The following TOP2A variants were observed in gnomAD, a reference collection of about 807,000 sequenced individuals.
TOP2A encodes the protein DNA topoisomerase 2-alpha.
In TOP2A, 68 loss-of-function variants were observed where a neutral mutation model predicts 187.2. The ratio of observed to expected loss-of-function variants is 0.36; its 90% CI spans 0.30 to 0.44. The LOEUF (loss-of-function observed/expected upper bound fraction) is 0.44, where lower values mean the gene tolerates loss of function less well. TOP2A is among the 20% of genes least tolerant of loss of function. TOP2A has a pLI of 1.00. For missense variants in TOP2A, 1,196 were observed against 1,808.7 expected (o/e 0.66, Z 6.14); for synonymous variants, 542 against 593.2 (o/e 0.91, Z 1.25).
At chr17:40,392,804 C>A in intron 29 of TOP2A, 67 bp from the exon 30 acceptor site, 1 of 1,278,810 alleles carries the variant, frequency 7.8e-7, no homozygotes, top group Non-Finnish European at 1.1e-6. Context: ...TATCATCCAT[C>A]CATCCTTCAA....
intron 28 of TOP2A, among the ~76,000 whole-genome samples, chr17:40,395,985 CT>C (rs59214602): frequency 0.84 from 119,155 of 142,556 alleles, 50,152 homozygotes; most frequent in African/African-American, 0.95. Flanking sequence ...AGTATTACCT[CT>C]TTTTTTTTTT....
rs1366146226 is a variant in TOP2A at position 40,398,790 on chromosome 17, T to C, written c.3436A>G (p.Arg1146Gly). The C allele has an allele frequency of 1.2e-6, 2 of 1,611,380 alleles. No individual in the cohort carries two copies. The highest frequency in any genetic ancestry group is 3.4e-5 in the Admixed American group (2 of 59,346). ...LTKEKKDELC[R>G]LRNEKEQELD... is the part of the protein sequence containing the mutation. ...CAACTCACTTTTTCATTTCTTAGCC[T>C]GCAGAGTTCATCTTTCTTTTCCTTG... is the stretch of plus-strand genomic sequence containing the variant. The change falls in exon 26 of 35, where the codon AGG (arginine) becomes GGG (glycine). Residue 1146 changes from arginine (R) to glycine (G), a missense_variant. Arg to Gly is a moderately radical substitution (Grantham distance 125). This residue lies in a region of TOP2A where 22 missense variants were observed against 21.1 expected (regional missense o/e 1.04). Coordinates refer to ENST00000423485, the MANE Select transcript of TOP2A (RefSeq NM_001067.4).
chr17:40,417,850 C>G lies in TOP2A; in HGVS notation c.-59G>C. ...AAGCGACTAAACAGGCAGGACCCCA[C>G]GAGACCACCCCCGACCAAGCCGCTT... On this transcript the variant is annotated 5_prime_UTR_variant, in exon 1 of 35. Coordinates refer to ENST00000423485, the MANE Select transcript of TOP2A (RefSeq NM_001067.4). The G allele has an allele frequency of 6.2e-7, 1 of 1,607,316 alleles. No homozygotes were observed. The highest frequency in any genetic ancestry group is 1.1e-5 in the South Asian group (1 of 90,468).
At chr17:40,408,363 T>A in intron 11 of TOP2A, 129 bp downstream of exon 11, 1 of 1,088,792 alleles carries the variant, frequency 9.2e-7, no homozygotes, top group Admixed American at 3.1e-5. Flanking sequence ...AACGGGCCGA[T>A]TTTTAACAAG....
At chr17:40,391,767 C>T (rs1251677667) in intron 32 of TOP2A, 127 bp from the exon 33 acceptor site, 3 of 1,076,998 alleles carry the variant, frequency 2.8e-6, no homozygotes, top group East Asian at 5.4e-5. Context: ...ATATTTAAAA[C>T]ATACTCTTAA....
At position 40,409,463 on chromosome 17, in the gene TOP2A, T is replaced by C. The variant is rs1383851270; in HGVS notation, c.1204-833A>G. 1.1e-5 allele frequency: 5 copies of C among 449,086 alleles called. No individual in the cohort carries two copies. In the Admixed American group the frequency reaches 1.2e-4, roughly 11 times the overall value. The allele number at this position is 449,086 out of a possible 1,614,324, so 27.8% of individuals were successfully genotyped here. A position where few individuals can be genotyped will look rare whatever the true frequency, so the allele number is the denominator to read the frequency against. ...TCCTCATCAAGTTTAAGACACAACA[T>C]AGAAGACAGACATAGCTGGGTGCAG... On this transcript the variant is annotated intron_variant, in intron 10 of 34. Coordinates refer to ENST00000423485, the MANE Select transcript of TOP2A (RefSeq NM_001067.4).
chr17:40,399,245 G>A, intron 24 of TOP2A, 114 bp from the exon 25 acceptor site: 1 of 761,728 alleles, frequency 1.3e-6, no homozygotes, highest in Non-Finnish European at 2.1e-6. Context: ...CTTCGTGCTT[G>A]CATAAATTTG....
At chr17:40,415,527 C>A (rs1012626616) in intron 4 of TOP2A, among the ~76,000 whole-genome samples, 4 of 152,180 alleles carry the variant, frequency 2.6e-5, no homozygotes, top group African/African-American at 9.7e-5. Flanking sequence ...CTACCACCAC[C>A]TACTGGTTTA....
rs1377238237 is a variant in TOP2A, at chr17:40,416,948, C to T, written c.22-53G>A. The T allele has an allele frequency of 8.2e-6, 12 of 1,467,488 alleles. No individual in the cohort carries two copies. The Admixed American group carries it at 1.5e-4, about 18-fold the overall frequency. 90.9% of individuals were successfully genotyped at this position (1,467,488 alleles called of 1,614,324 possible). A position where few individuals can be genotyped will look rare whatever the true frequency, so the allele number is the denominator to read the frequency against. ...AAGGGAATTTTTAATCATAAGTTTA[C>T]CCTAAACTAGGAACAAAATGCCTAC... On this transcript the variant is annotated intron_variant, in intron 1 of 34. Transcript: ENST00000423485.
rs1182474119 is a variant in TOP2A, at chr17:40,401,068, A to G, written c.2446T>C (p.Leu816=). Residue 816 remains leucine (L), a synonymous_variant, in exon 21 of 35, where the codon TTG becomes CTG. Transcript: ENST00000423485. ...TGATCATCTTTTGGTGGAAATAACA[A>G]TCGAGCCAAAGAGCTAAAGAAAAGA... ...IFTMLSSLAR[L]LFPPKDDHTL... 1.9e-6 allele frequency: 3 copies of G among 1,613,222 alleles called. No individual in the cohort carries two copies. The South Asian group carries it at 3.3e-5, about 18-fold the overall frequency.
At chr17:40,402,875 G>GC (rs2035198626) in intron 20 of TOP2A, 31 bp downstream of exon 20, 1 of 1,556,664 alleles carries the variant, frequency 6.4e-7, no homozygotes, top group African/African-American at 1.4e-5. Context: ...ACTGGAAATG[G>GC]CAAGTCACTA....
At chr17:40,397,150 A>G (rs907654185) in intron 27 of TOP2A, among the ~76,000 whole-genome samples, 1 of 151,964 alleles carries the variant, frequency 6.6e-6, no homozygotes, top group Non-Finnish European at 1.5e-5. Flanking sequence ...CTCCCAAAGC[A>G]CATTGGGATT....
Position 40,400,990 on chromosome 17 carries a change from T to G in TOP2A, c.2524A>C (p.Ile842Leu), listed in dbSNP as rs2035173316. 4 of 1,613,874 alleles carry G rather than the reference T, an allele frequency of 2.5e-6. No homozygotes were observed. The East Asian group carries it at 8.9e-5, about 36-fold the overall frequency. The change falls in exon 21 of 35, where the codon ATT becomes CTT. Residue 842 changes from isoleucine to leucine, a missense_variant. Coordinates refer to ENST00000423485, the MANE Select transcript of TOP2A (RefSeq NM_001067.4). ...ATCAGCACCATGGGAATAATAGGAA[T>G]GTACCATTCAGGCTCAACACGCTGG... Reference protein sequence around the residue: ...DNQRVEPEWYIPIIPMVLING... With the variant: ...DNQRVEPEWYLPIIPMVLING...
At chr17:40,402,494 T>A (rs1158733372) in intron 20 of TOP2A, among the ~76,000 whole-genome samples, 2 of 151,678 alleles carry the variant, frequency 1.3e-5, no homozygotes, top group African/African-American at 4.9e-5. Context: ...ACCAGAAGAG[T>A]CTACAGTCAT....
At chr17:40,416,258 A>C (rs1178139973) in intron 3 of TOP2A, among the ~76,000 whole-genome samples, 164 bp downstream of exon 3, 1 of 152,272 alleles carries the variant, frequency 6.6e-6, no homozygotes, top group Non-Finnish European at 1.5e-5. Context: ...CCAGGAAACC[A>C]GCTCACCTTT....
chr17:40,388,790 C>T lies in TOP2A; in HGVS notation c.*729G>A, dbSNP rs1316503014. The T allele has an allele frequency of 1.0e-5, 2 of 195,210 alleles. No individual in the cohort carries two copies. Among genetic ancestry groups the T allele is most frequent in the African/African-American group, 2.3e-5 (1 of 43,204 alleles). The allele number at this position is 195,210 out of a possible 1,614,324, so 12.1% of individuals were successfully genotyped here. On this transcript the variant is annotated 3_prime_UTR_variant, in exon 35 of 35. Coordinates refer to ENST00000423485, the MANE Select transcript of TOP2A (RefSeq NM_001067.4). ...TCCCCGAGTCTTCTGCAATCCAGTC[C>T]TCTTAGAAATTGGTTTCTCTCTTTG...
chr17:40,392,644 C>A lies in TOP2A; in HGVS notation c.3905G>T (p.Ser1302Ile), dbSNP rs2143624461. The A allele has an allele frequency of 6.2e-7, 1 of 1,613,636 alleles. No homozygotes were observed. Among genetic ancestry groups the A allele is most frequent in the Non-Finnish European group, 8.5e-7 (1 of 1,179,820 alleles). The change falls in exon 30 of 35, where the codon AGC becomes ATC. Residue 1302 changes from serine (S) to isoleucine (I), a missense_variant. Around this residue, in one of 10 missense-constraint regions of TOP2A, gnomAD observed 374 missense variants for 403.3 expected, o/e 0.93. Transcript: ENST00000423485. The part of the protein sequence containing the change: ...NPWSDSESDR[S>I]SDESNFDVPP... ...GACATCAAAATTACTTTCGTCACTG[C>A]TCCTATCTGATTCTGAATCAGACCA... is the stretch of plus-strand genomic sequence containing the variant.
chr17:40,399,911 G>A lies in TOP2A; in HGVS notation c.3157C>T (p.Arg1053Cys), dbSNP rs759743884. The change falls in exon 24 of 35, where the codon CGC (arginine) becomes TGC (cysteine). Residue 1053 changes from arginine (R) to cysteine (C), a missense_variant. Arg to Cys is a radical substitution (Grantham distance 180, BLOSUM62 -3). Around this residue, in one of 10 missense-constraint regions of TOP2A, gnomAD observed 232 missense variants for 306.1 expected, o/e 0.76. Transcript: ENST00000423485. ...CCATCTATTTTCTCTAAGATAAAGC[G>A]AGCCTGATTATTCAGTTTAGCAGAT... Reference protein sequence around the residue: ...AESAKLNNQARFILEKIDGKI... With the variant: ...AESAKLNNQACFILEKIDGKI... The A allele has an allele frequency of 1.2e-5, 19 of 1,609,232 alleles. No homozygotes were observed. The Admixed American group carries it at 2.7e-4, about 23-fold the overall frequency.
At chr17:40,399,334 T>TGAGGCTAC in intron 24 of TOP2A, 2 of 561,922 alleles carry the variant, frequency 3.6e-6, no homozygotes, top group South Asian at 4.4e-5. Context: ...AAATCATATA[T>TGAGGCTAC]GATCAAATCA....
Sources: allele counts gnomAD v4.1 joint callset (sites outside exome capture counted in the v4.1 genomes callset), GRCh38; gene constraint gnomAD v4.1.1; regional missense constraint gnomAD v4.1.1; transcripts MANE v1.5; gene names NCBI Gene and HGNC (gene_info 2026-07-23, HGNC 2026-07-21).